NRXN3: variants seen among roughly 807,000 people sequenced by gnomAD.
NRXN3 encodes the protein neurexin 3.
In NRXN3, 32 loss-of-function variants were observed where a neutral mutation model predicts 137.6. The ratio of observed to expected loss-of-function variants is 0.23; its 90% CI spans 0.18 to 0.31. The LOEUF is 0.31. Ranked by LOEUF, NRXN3 falls within the 10% of genes least tolerant of loss-of-function variation. The pLI is 1.00. For synonymous variants in NRXN3, 798 were observed against 784.5 expected (o/e 1.02, Z -0.29); for missense variants, 1,574 against 2,062.5 (o/e 0.76, Z 4.59).
intron 15 of NRXN3, among the ~76,000 whole-genome samples, chr14:79,157,018 C>T (rs2060313510): frequency 6.6e-6 from 1 of 151,678 alleles, no homozygotes. Flanking sequence ...TCTGGTTAAC[C>T]ACAGCTAGAG....
chr14:79,620,590 A>G (rs943129998), intron 16 of NRXN3, among the ~76,000 whole-genome samples: 7 of 152,288 alleles, frequency 4.6e-5, no homozygotes, highest in African/African-American at 1.7e-4. Flanking sequence ...AGACCTGGGA[A>G]GAAAGAGAAT....
chr14:79,356,075 T>C (rs1433926297), intron 15 of NRXN3, among the ~76,000 whole-genome samples: 1 of 152,200 alleles, frequency 6.6e-6, no homozygotes. Flanking sequence ...ATTAGTTTTG[T>C]ATTTTTTTTC....
chr14:79,692,283 C>A (rs2098719579), intron 18 of NRXN3, 21 bp downstream of exon 18: 1 of 1,552,996 alleles, frequency 6.4e-7, no homozygotes, highest in Non-Finnish European at 8.8e-7. Flanking sequence ...TTAAAACTTT[C>A]ATTTTAAAAT....
At chr14:78,335,049 A>AG (rs1466545814) in intron 4 of NRXN3, among the ~76,000 whole-genome samples, 1 of 152,138 alleles carries the variant, frequency 6.6e-6, no homozygotes, top group Non-Finnish European at 1.5e-5. Flanking sequence ...GCGTCATCCC[A>AG]GGCTCTCACC....
intron 19 of NRXN3, among the ~76,000 whole-genome samples, chr14:79,728,663 G>C (rs993386006): frequency 6.6e-6 from 1 of 152,228 alleles, no homozygotes; most frequent in Non-Finnish European, 1.5e-5. Flanking sequence ...TGATAACATG[G>C]AGCGGAGAGG....
chr14:78,545,771 A>G (rs557003190), intron 4 of NRXN3, among the ~76,000 whole-genome samples: 1 of 152,208 alleles, frequency 6.6e-6, no homozygotes, highest in African/African-American at 2.4e-5. Flanking sequence ...GCTGTGTGCC[A>G]CTTTGCAATC....
At chr14:78,241,246 A>G (rs374876986) in intron 1 of NRXN3, among the ~76,000 whole-genome samples, 28 of 152,100 alleles carry the variant, frequency 1.8e-4, no homozygotes, top group African/African-American at 6.5e-4. Context: ...CCACACATAC[A>G]CAGACATACA....
rs367711198 is a variant in NRXN3, at chr14:78,330,020, C to T, written c.757+32160C>T. ...GCTCCCAGGGTAATACTTGGTGTAC[C>T]GTCCACCATATGCAATGGAAGGCTC... On this transcript the variant is annotated intron_variant, in intron 4 of 20. Coordinates refer to ENST00000335750, the MANE Select transcript of NRXN3 (RefSeq NM_001330195.2). Among the ~76,000 whole-genome samples, 53 of 152,182 alleles carry T rather than the reference C, an allele frequency of 3.5e-4. No homozygotes were observed. In the South Asian group the frequency reaches 0.011, roughly 30 times the overall value.
Position 79,254,814 on chromosome 14 carries a change from C to G in NRXN3, c.3263-212407C>G, listed in dbSNP as rs139236291. On this transcript the variant is annotated intron_variant, in intron 15 of 20. Transcript: ENST00000335750. ...CCTCCCTGCCTGCCTCCCTCCCTCCCTCCCTTCCTTCTTTCCTTCTTTCCT... is the reference window on the plus strand; with the variant it reads ...CCTCCCTGCCTGCCTCCCTCCCTCCGTCCCTTCCTTCTTTCCTTCTTTCCT... 8.2e-3 allele frequency among the ~76,000 whole-genome samples: 1,249 copies of G among 151,518 alleles called. 15 individuals are homozygous for G. The highest frequency in any genetic ancestry group is 0.029 in the African/African-American group (1,184 of 41,310).
chr14:78,914,140 C>G (rs1176139706), intron 10 of NRXN3, among the ~76,000 whole-genome samples: 1 of 152,176 alleles, frequency 6.6e-6, no homozygotes, highest in Admixed American at 6.5e-5. Context: ...TACTTACTAC[C>G]AGGTCTCCAA....
At chr14:78,444,812 G>A (rs968286022) in intron 4 of NRXN3, among the ~76,000 whole-genome samples, 6 of 150,272 alleles carry the variant, frequency 4.0e-5, no homozygotes, top group African/African-American at 9.8e-5. Flanking sequence ...CCAGCTACTC[G>A]GGAGGCTGAG....
intron 15 of NRXN3, among the ~76,000 whole-genome samples, chr14:79,107,543 C>T (rs2052671606): frequency 6.6e-6 from 1 of 152,046 alleles, no homozygotes; most frequent in Non-Finnish European, 1.5e-5. Flanking sequence ...ACTCTGGTTG[C>T]TTTATGAAAC....
intron 15 of NRXN3, among the ~76,000 whole-genome samples, chr14:79,234,325 TA>T (rs2072933538): frequency 5.1e-5 from 6 of 117,810 alleles, no homozygotes; most frequent in African/African-American, 2.1e-4. Flanking sequence ...TATATATATA[TA>T]TATATATATA....
intron 1 of NRXN3, among the ~76,000 whole-genome samples, chr14:78,235,883 A>C (rs962890580): frequency 2.4e-4 from 37 of 152,320 alleles, no homozygotes; most frequent in African/African-American, 8.2e-4. Context: ...AGAGAGGACT[A>C]GGGTATAGAG....
intron 2 of NRXN3, among the ~76,000 whole-genome samples, chr14:78,254,899 C>G (rs1262564016): frequency 1.3e-5 from 2 of 151,804 alleles, no homozygotes; most frequent in Non-Finnish European, 1.5e-5. Flanking sequence ...TATTGAGTAG[C>G]TGCTCCTGGA....
At chr14:78,388,046 G>A (rs890255231) in intron 4 of NRXN3, among the ~76,000 whole-genome samples, 1 of 152,028 alleles carries the variant, frequency 6.6e-6, no homozygotes, top group African/African-American at 2.4e-5. Flanking sequence ...AAAATATCAC[G>A]GATCTTTAAT....
chr14:78,597,740 T>C (rs12590740), intron 4 of NRXN3, among the ~76,000 whole-genome samples: 5,130 of 152,344 alleles, frequency 0.034, 159 homozygotes, highest in East Asian at 0.16. Flanking sequence ...CTCTTCGTCA[T>C]TTCTCACCTA....
chr14:79,671,323 A>G (rs961615594), intron 17 of NRXN3, among the ~76,000 whole-genome samples: 1 of 152,120 alleles, frequency 6.6e-6, no homozygotes. Flanking sequence ...TGCATATCCT[A>G]GAAATTCTGG....
At chr14:79,721,406 A>G (rs187909966) in intron 19 of NRXN3, among the ~76,000 whole-genome samples, 10 of 152,246 alleles carry the variant, frequency 6.6e-5, no homozygotes, top group Admixed American at 6.5e-4. Context: ...TTTTCATGCA[A>G]AAAAATCCCA....
Sources: gnomAD v4.1 joint callset for allele counts (sites outside exome capture counted in the v4.1 genomes callset) on GRCh38, gnomAD v4.1.1 for gene constraint, MANE v1.5 for transcripts, NCBI Gene and HGNC (gene_info 2026-07-23, HGNC 2026-07-21) for gene names.